The following TAFA5 variants were observed in gnomAD, a reference collection of about 807,000 sequenced individuals.
The protein encoded by TAFA5 is chemokine-like protein TAFA-5.
Under a neutral mutation model 15.3 loss-of-function variants are expected in TAFA5, and 6 were observed. The ratio of observed to expected loss-of-function variants is 0.39; its 90% CI spans 0.21 to 0.77. The LOEUF is 0.77. Among genes scored for constraint, TAFA5 ranks in the 30% least tolerant of loss-of-function variants. The probability of loss-of-function intolerance (pLI) is 0.41; values close to 1 mark genes in which losing one functional copy is unlikely to be tolerated. For synonymous variants in TAFA5, 103 were observed against 80.7 expected, an observed-to-expected ratio of 1.28 and a Z score of -1.48; for missense variants, 161 against 193.1, an observed-to-expected ratio of 0.83 and a Z score of 0.98.
chr22:48,513,671 C>G (rs1279823139), intron 1 of TAFA5, among the ~76,000 whole-genome samples: 1 of 152,260 alleles, frequency 6.6e-6, no homozygotes, highest in Non-Finnish European at 1.5e-5. Flanking sequence ...CCCTGTGGTT[C>G]TGACAGGGCC....
intron 2 of TAFA5, among the ~76,000 whole-genome samples, chr22:48,678,331 G>A (rs1928041551): frequency 1.3e-5 from 2 of 152,208 alleles, no homozygotes; most frequent in African/African-American, 4.8e-5. Flanking sequence ...TGGATGCAGT[G>A]GTACAGGCAG....
chr22:48,526,493 G>C (rs563337841), intron 1 of TAFA5, among the ~76,000 whole-genome samples: 1 of 152,198 alleles, frequency 6.6e-6, no homozygotes, highest in African/African-American at 2.4e-5. Context: ...AGGGAGAGAC[G>C]GGCTGGCTTC....
At chr22:48,578,012 C>T (rs781557293) in intron 1 of TAFA5, among the ~76,000 whole-genome samples, 17 of 152,326 alleles carry the variant, frequency 1.1e-4, no homozygotes, top group South Asian at 2.1e-4. Context: ...CTGCTGGTGT[C>T]GCGTGTCAGG....
At chr22:48,644,177 T>C (rs1238885729) in intron 1 of TAFA5, among the ~76,000 whole-genome samples, 1 of 152,146 alleles carries the variant, frequency 6.6e-6, no homozygotes, top group Non-Finnish European at 1.5e-5. Flanking sequence ...TTGTGTGCAA[T>C]TTGGTAGTGG....
chr22:48,667,638 T>C (rs1312643720), intron 2 of TAFA5, among the ~76,000 whole-genome samples: 1 of 152,222 alleles, frequency 6.6e-6, no homozygotes, highest in Admixed American at 6.5e-5. Flanking sequence ...GTTAATTCAA[T>C]TTCTCTTATA....
chr22:48,545,113 G>A lies in TAFA5; in HGVS notation c.112+55409G>A, dbSNP rs144087274. 1,952 of 350,204 alleles carry A rather than the reference G, an allele frequency of 5.6e-3. 27 individuals are homozygous for A. The highest frequency in any genetic ancestry group is 0.038 in the African/African-American group (1,769 of 46,750). The allele number at this position is 350,204 out of a possible 1,614,324, so 21.7% of individuals were successfully genotyped here. A position where few individuals can be genotyped will look rare whatever the true frequency, so the allele number is the denominator to read the frequency against. On this transcript the variant is annotated intron_variant, in intron 1 of 3. Transcript: ENST00000402357. ...ATTCCCGGATCATGAGGTTCTAAGC[G>A]AGTCTTCAGGTTTGGAGAAAGTGGA...
intron 2 of TAFA5, among the ~76,000 whole-genome samples, chr22:48,650,673 G>C (rs1312731403): frequency 6.6e-6 from 1 of 152,124 alleles, no homozygotes; most frequent in East Asian, 1.9e-4. Flanking sequence ...GCCTGTACAG[G>C]GCAGGGCTGT....
intron 1 of TAFA5, among the ~76,000 whole-genome samples, chr22:48,614,911 G>T (rs1411532120): frequency 6.6e-6 from 1 of 152,180 alleles, no homozygotes; most frequent in African/African-American, 2.4e-5. Flanking sequence ...GGTCAGCAGA[G>T]CGGGCCTGGC....
At chr22:48,732,736 C>T (rs991744924) in intron 3 of TAFA5, among the ~76,000 whole-genome samples, 5 of 152,206 alleles carry the variant, frequency 3.3e-5, no homozygotes, top group Non-Finnish European at 5.9e-5. Flanking sequence ...CAAACAGCAT[C>T]GCATGCTACA....
intron 3 of TAFA5, among the ~76,000 whole-genome samples, chr22:48,714,874 C>A (rs1360783272): frequency 6.6e-6 from 1 of 152,170 alleles, no homozygotes; most frequent in African/African-American, 2.4e-5. Context: ...CCCTCTTTTG[C>A]CTCTCATAGC....
intron 2 of TAFA5, among the ~76,000 whole-genome samples, chr22:48,694,574 CA>C (rs930511056): frequency 1.3e-5 from 2 of 152,132 alleles, no homozygotes; most frequent in African/African-American, 4.8e-5. Flanking sequence ...TGTGTCCGCT[CA>C]CCCCAAAAGC....
intron 1 of TAFA5, among the ~76,000 whole-genome samples, chr22:48,549,030 A>G (rs1922773584): frequency 1.3e-5 from 2 of 152,358 alleles, no homozygotes; most frequent in South Asian, 4.1e-4. Context: ...GAGTTTTCCC[A>G]CATAAAATGT....
intron 1 of TAFA5, among the ~76,000 whole-genome samples, chr22:48,542,650 G>GTGGTGT (rs1555886630): frequency 1.8e-5 from 1 of 54,272 alleles, no homozygotes. Flanking sequence ...GTGTGTGTGT[G>GTGGTGT]GTGTGTGTGT....
intron 2 of TAFA5, among the ~76,000 whole-genome samples, chr22:48,689,480 G>C (rs73435856): frequency 0.016 from 2,365 of 152,326 alleles, 54 homozygotes; most frequent in African/African-American, 0.055. Flanking sequence ...AGAAGCACAG[G>C]GTCGGGTTCT....
At chr22:48,577,662 G>A (rs967285073) in intron 1 of TAFA5, among the ~76,000 whole-genome samples, 2 of 152,238 alleles carry the variant, frequency 1.3e-5, no homozygotes, top group Non-Finnish European at 2.9e-5. Context: ...GGAGGCCTGG[G>A]GAAGCAGGTA....
chr22:48,531,668 C>T (rs535548811), intron 1 of TAFA5, among the ~76,000 whole-genome samples: 30 of 149,876 alleles, frequency 2.0e-4, no homozygotes, highest in South Asian at 1.7e-3. Context: ...AGACCCCCAG[C>T]GCGCCCTCCT....
intron 3 of TAFA5, among the ~76,000 whole-genome samples, chr22:48,745,239 G>A (rs1048169225): frequency 3.3e-5 from 5 of 150,300 alleles, no homozygotes; most frequent in African/African-American, 9.9e-5. Context: ...TGGCACACAC[G>A]GCTTTGTCGG....
intron 1 of TAFA5, among the ~76,000 whole-genome samples, chr22:48,634,190 C>T (rs1926355076): frequency 6.6e-6 from 1 of 151,958 alleles, no homozygotes; most frequent in Admixed American, 6.5e-5. Flanking sequence ...ACCCACTCAT[C>T]ACTCACCCAT....
chr22:48,507,274 CAGTCATCAAGGGCCAGGTGTGCAGT>C (rs1451028079), intron 1 of TAFA5, among the ~76,000 whole-genome samples: 2 of 150,580 alleles, frequency 1.3e-5, no homozygotes, highest in Non-Finnish European at 3.0e-5. Flanking sequence ...GAGAAGGAGA[CAGTCATCAAGGGCCAGGTGTGCAGT>C]TGGAGGAGTG....
Sources: gnomAD v4.1 joint callset for allele counts (sites outside exome capture counted in the v4.1 genomes callset) on GRCh38, gnomAD v4.1.1 for gene constraint, MANE v1.5 for transcripts, NCBI Gene and HGNC (gene_info 2026-07-23, HGNC 2026-07-21) for gene names.